The following PRTFDC1 variants were observed in gnomAD, a reference collection of about 807,000 sequenced individuals.
PRTFDC1 encodes the protein phosphoribosyl transferase domain containing 1, also known as phosphoribosyltransferase domain-containing protein 1.
PRTFDC1 carries 38 observed loss-of-function variants against 34.6 expected under a neutral mutation model. That is an observed-to-expected ratio of 1.10 (90% CI 0.85 to 1.44). The LOEUF (loss-of-function observed/expected upper bound fraction) is 1.44. PRTFDC1 is among the 40% of genes most tolerant of loss of function. PRTFDC1 has a pLI of 0.00. For synonymous variants in PRTFDC1, 93 were observed against 98.1 expected (o/e 0.95, Z 0.31); for missense variants, 270 against 283.0 (o/e 0.95, Z 0.33).
At chr10:24,916,529 C>G (rs946961311) in intron 3 of PRTFDC1, among the ~76,000 whole-genome samples, 4 of 152,168 alleles carry the variant, frequency 2.6e-5, no homozygotes, top group Non-Finnish European at 5.9e-5. Context: ...GCCTCCTTTG[C>G]TTTTCTTCAA....
chr10:24,876,895 G>C (rs1377304603), intron 3 of PRTFDC1, among the ~76,000 whole-genome samples: 3 of 147,968 alleles, frequency 2.0e-5, no homozygotes, highest in Admixed American at 6.9e-5. Flanking sequence ...TGGTACACTG[G>C]AGTCTAGGGC....
At chr10:24,935,223 T>C (rs1401557287) in intron 3 of PRTFDC1, among the ~76,000 whole-genome samples, 2 of 152,056 alleles carry the variant, frequency 1.3e-5, no homozygotes, top group African/African-American at 2.4e-5. Flanking sequence ...CTGACTTTAA[T>C]TAAAAAAAAT....
At position 24,952,334 on chromosome 10, in the gene PRTFDC1, G is replaced by A. The variant is rs912490427; in HGVS notation, c.48+194C>T. On this transcript the variant is annotated intron_variant, in intron 1 of 8. Transcript: ENST00000320152. The surrounding 1 kb of genome is among the most constrained non-coding windows in gnomAD (Gnocchi z 5.1). Reference sequence around the variant, plus strand: ...CTGGGAACTCGGGGTGAAGGGACGGGACTCAGAGTTTCGTCAGATTGGGGG... The same window carrying A: ...CTGGGAACTCGGGGTGAAGGGACGGAACTCAGAGTTTCGTCAGATTGGGGG... Among the ~76,000 whole-genome samples, 2 of 152,032 alleles carry A rather than the reference G, an allele frequency of 1.3e-5. No individual in the cohort carries two copies. Among genetic ancestry groups the A allele is most frequent in the Non-Finnish European group, 2.9e-5 (2 of 68,016 alleles).
chr10:24,923,474 G>T (rs191889970), intron 3 of PRTFDC1, among the ~76,000 whole-genome samples: 1 of 152,212 alleles, frequency 6.6e-6, no homozygotes, highest in Non-Finnish European at 1.5e-5. Context: ...AGCAATATTT[G>T]CTGTTCTGCA....
chr10:24,872,804 A>AT (rs1565261742), intron 3 of PRTFDC1, among the ~76,000 whole-genome samples: 35 of 119,440 alleles, frequency 2.9e-4, no homozygotes, highest in African/African-American at 1.1e-3. Flanking sequence ...ATATATATAT[A>AT]TATTTTTTTT....
chr10:24,937,013 T>C (rs1849061827), intron 3 of PRTFDC1, among the ~76,000 whole-genome samples, 171 bp downstream of exon 3: 1 of 152,196 alleles, frequency 6.6e-6, no homozygotes, highest in Non-Finnish European at 1.5e-5. Context: ...CCCTAAATAG[T>C]ATCATTTGAA....
At chr10:24,860,995 G>A (rs1430446108) in intron 4 of PRTFDC1, among the ~76,000 whole-genome samples, 1 of 152,176 alleles carries the variant, frequency 6.6e-6, no homozygotes, top group East Asian at 1.9e-4. Flanking sequence ...ATTAAGTAGA[G>A]TGTATGTGTT....
chr10:24,858,862 C>A (rs1220040393), intron 4 of PRTFDC1, among the ~76,000 whole-genome samples: 2 of 152,150 alleles, frequency 1.3e-5, no homozygotes, highest in African/African-American at 2.4e-5. Context: ...ACGAAAATCC[C>A]TGGGGACTCA....
intron 3 of PRTFDC1, among the ~76,000 whole-genome samples, chr10:24,883,914 A>G (rs766959401): frequency 1.4e-5 from 2 of 143,024 alleles, no homozygotes; most frequent in African/African-American, 2.6e-5. Context: ...AACCTTTGTC[A>G]TCTGGGTTCA....
intron 4 of PRTFDC1, chr10:24,867,788 G>A (rs1040095426): frequency 1.4e-4 from 21 of 149,740 alleles, no homozygotes; most frequent in African/African-American, 4.9e-4. Flanking sequence ...TTTTGGTGGG[G>A]TTTTTGTAGG....
chr10:24,868,489 G>A (rs1263654100), intron 4 of PRTFDC1, among the ~76,000 whole-genome samples: 1 of 152,176 alleles, frequency 6.6e-6, no homozygotes, highest in Admixed American at 6.5e-5. Flanking sequence ...CTGACAAATT[G>A]TATTATCACT....
intron 1 of PRTFDC1, among the ~76,000 whole-genome samples, chr10:24,943,416 G>T (rs1332759614): frequency 6.6e-6 from 1 of 152,132 alleles, no homozygotes; most frequent in Non-Finnish European, 1.5e-5. Flanking sequence ...GGTTAGAATA[G>T]TAAAGAGGTG....
At chr10:24,934,712 C>T (rs1078552) in intron 3 of PRTFDC1, among the ~76,000 whole-genome samples, 22,201 of 152,112 alleles carry the variant, frequency 0.15, 1,853 homozygotes, top group East Asian at 0.28. Context: ...ACCGAACCAA[C>T]GTACACTGTA....
At chr10:24,884,414 T>C (rs910097601) in intron 3 of PRTFDC1, among the ~76,000 whole-genome samples, 1 of 152,112 alleles carries the variant, frequency 6.6e-6, no homozygotes, top group Non-Finnish European at 1.5e-5. Context: ...GCTACCGTAT[T>C]TGGGCCCAAA....
At chr10:24,925,698 A>G (rs1240118256) in intron 3 of PRTFDC1, among the ~76,000 whole-genome samples, 1 of 152,208 alleles carries the variant, frequency 6.6e-6, no homozygotes, top group African/African-American at 2.4e-5. Context: ...CTAATAACAC[A>G]TACACTTTCT....
At chr10:24,942,127 A>T (rs977980609) in intron 2 of PRTFDC1, among the ~76,000 whole-genome samples, 1 of 152,212 alleles carries the variant, frequency 6.6e-6, no homozygotes, top group Non-Finnish European at 1.5e-5. Context: ...CCATATTACC[A>T]TACCGCCTGA....
intron 3 of PRTFDC1, among the ~76,000 whole-genome samples, chr10:24,932,781 G>A (rs940199360): frequency 6.6e-6 from 1 of 152,020 alleles, no homozygotes; most frequent in Non-Finnish European, 1.5e-5. Context: ...TCAGCTACAT[G>A]ATATTAAATT....
Position 24,857,426 on chromosome 10 carries a change from A to G in PRTFDC1, c.424-431T>C, listed in dbSNP as rs189647477. ...CCTCCCCCTTGTCCTCCCCCACTCA[A>G]TGGGGGATTCTATGGCTGGGAAGTG... On this transcript the variant is annotated intron_variant, in intron 5 of 8. Coordinates refer to ENST00000320152, the MANE Select transcript of PRTFDC1 (RefSeq NM_020200.7). 3.8e-4 allele frequency among the ~76,000 whole-genome samples: 58 copies of G among 152,216 alleles called. No individual in the cohort carries two copies. The East Asian group carries it at 0.01, about 27-fold the overall frequency.
intron 3 of PRTFDC1, among the ~76,000 whole-genome samples, chr10:24,919,241 G>C (rs934442544): frequency 2.6e-5 from 4 of 151,982 alleles, no homozygotes; most frequent in African/African-American, 4.8e-5. Flanking sequence ...TATACTATAA[G>C]GCTATAGTAA....
Sources: allele counts gnomAD v4.1 joint callset (sites outside exome capture counted in the v4.1 genomes callset), GRCh38; gene constraint gnomAD v4.1.1; non-coding constraint Gnocchi (gnomAD v3.1); transcripts MANE v1.5; gene names NCBI Gene and HGNC (gene_info 2026-07-23, HGNC 2026-07-21).